CD163L1: variants seen among roughly 807,000 people sequenced by gnomAD.
CD163L1 encodes scavenger receptor cysteine-rich type 1 protein M160.
Under a neutral mutation model 165.4 loss-of-function variants are expected in CD163L1, and 124 were observed. The ratio of observed to expected loss-of-function variants is 0.75; its 90% CI spans 0.65 to 0.87. The LOEUF (loss-of-function observed/expected upper bound fraction) is 0.87, where lower values mean the gene tolerates loss of function less well. Ranked by LOEUF, CD163L1 falls within the 40% of genes least tolerant of loss-of-function variation. The pLI, the probability that CD163L1 is intolerant of heterozygous loss-of-function variation, is 0.00. For synonymous variants in CD163L1, 585 were observed against 662.2 expected, an observed-to-expected ratio of 0.88 and a Z score of 1.79; for missense variants, 1,525 against 1,799.9, an observed-to-expected ratio of 0.85 and a Z score of 2.76.
chr12:7,427,962 C>T (rs7980418), intron 4 of CD163L1, among the ~76,000 whole-genome samples: 109 of 152,158 alleles, frequency 7.2e-4, no homozygotes, highest in African/African-American at 2.6e-3. Flanking sequence ...ACATTCTGGC[C>T]TACTTGGTAG....
Position 7,369,563 on chromosome 12 carries a change from G to T in CD163L1, c.3833C>A (p.Ala1278Asp), listed in dbSNP as rs1280160267. 1 of 1,614,110 alleles carries T rather than the reference G, an allele frequency of 6.2e-7. No homozygotes were observed. The highest frequency in any genetic ancestry group is 8.5e-7 in the Non-Finnish European group (1 of 1,180,010). Residue 1278 changes from alanine to aspartate, a missense_variant, in exon 15 of 20, where the codon GCC (alanine) becomes GAC (aspartate). Ala to Asp is a moderately radical substitution (Grantham distance 126). Transcript: ENST00000313599. This position sits in a 1 kb window ranked among gnomAD's most constrained non-coding sequence, Gnocchi z 4.9. The stretch of plus-strand genomic sequence containing the variant: ...CTGCTGACACACCACTTCCGCCTCG[G>T]CCAGGTCCCAGGAGTCATCACACAC... ...GTVCDDSWDLAEAEVVCQQLG... is the reference protein window; with the variant it reads ...GTVCDDSWDLDEAEVVCQQLG...
At chr12:7,344,713 C>G (rs1179063953), downstream of CD163L1, among the ~76,000 whole-genome samples, 1 of 152,240 alleles carries the variant, frequency 6.6e-6, no homozygotes, top group African/African-American at 2.4e-5. Context: ...CCCAGGCTTT[C>G]TCATAAATAC....
chr12:7,324,630 A>T, the CD163L1 span: 3 of 1,604,632 alleles, frequency 1.9e-6, no homozygotes, highest in Non-Finnish European at 2.6e-6. Flanking sequence ...AAGAAGCAAC[A>T]TCATATTTTC....
intron 8 of CD163L1, among the ~76,000 whole-genome samples, chr12:7,384,295 C>A (rs1162528421): frequency 6.6e-6 from 1 of 151,812 alleles, no homozygotes; most frequent in Non-Finnish European, 1.5e-5. Context: ...ACACATGGGA[C>A]ACCATAAGGT....
chr12:7,348,911 G>T (rs146939520), intron 4 of CD163L1, among the ~76,000 whole-genome samples: 223 of 151,694 alleles, frequency 1.5e-3, no homozygotes, highest in Non-Finnish European at 1.7e-3. Context: ...GGCCAGGTGC[G>T]ATGGCTTACC....
Position 7,379,242 on chromosome 12 carries a change from C to A in CD163L1, c.2107G>T (p.Val703Phe). 2 of 1,614,182 alleles carry A rather than the reference C, an allele frequency of 1.2e-6. No homozygotes were observed. Among genetic ancestry groups the A allele is most frequent in the Non-Finnish European group, 1.7e-6 (2 of 1,180,020 alleles). The change falls in exon 9 of 20, where the codon GTT becomes TTT. Residue 703 changes from valine (V) to phenylalanine (F), a missense_variant. Coordinates refer to ENST00000313599, the MANE Select transcript of CD163L1 (RefSeq NM_174941.6). The part of the protein sequence containing the change: ...VGGSSRCAGK[V>F]EVNVQGAVGI... ...ACGGCACCCTGGACATTCACCTCAA[C>A]TTTTCCAGCACACCTGCTGCTTCCA...
intron 2 of CD163L1, among the ~76,000 whole-genome samples, chr12:7,440,531 G>C (rs1452570682): frequency 1.3e-5 from 2 of 151,530 alleles, no homozygotes; most frequent in Non-Finnish European, 2.9e-5. Flanking sequence ...TCTGTATCTT[G>C]TAAGTTTTTA....
Position 7,421,153 on chromosome 12 carries a change from A to T in CD163L1, c.766+11263T>A, listed in dbSNP as rs762603170. Among the ~76,000 whole-genome samples, 16 of 135,272 alleles carry T rather than the reference A, an allele frequency of 1.2e-4. No homozygotes were observed. The East Asian group carries it at 1.9e-3, about 16-fold the overall frequency. The allele number at this position is 135,272 out of a possible 152,430, so 88.7% of individuals were successfully genotyped here. A position where few individuals can be genotyped will look rare whatever the true frequency, so the allele number is the denominator to read the frequency against. ...TACGTATATATGTATATATGTGTAT[A>T]AATGTATATATATGTATATATGTAT... On this transcript the variant is annotated intron_variant, in intron 4 of 19. Transcript: ENST00000313599.
chr12:7,330,430 CT>C, the CD163L1 span, among the ~76,000 whole-genome samples: 1 of 152,160 alleles, frequency 6.6e-6, no homozygotes, highest in African/African-American at 2.4e-5. Context: ...CTCTTCTAGC[CT>C]TTTTCAATTG....
At chr12:7,440,629 C>CTTTTTTTTTTTTT (rs71067189) in intron 2 of CD163L1, among the ~76,000 whole-genome samples, 1 of 116,382 alleles carries the variant, frequency 8.6e-6, no homozygotes, top group Non-Finnish European at 1.8e-5. Flanking sequence ...TATCTTTTTT[C>CTTTTTTTTTTTTT]TTTTTTTTTT....
chr12:7,419,640 T>C (rs1948310832), intron 4 of CD163L1, among the ~76,000 whole-genome samples: 1 of 152,134 alleles, frequency 6.6e-6, no homozygotes, highest in South Asian at 2.1e-4. Context: ...CTAGAACTGA[T>C]AAAAGAATTC....
the CD163L1 span, among the ~76,000 whole-genome samples, chr12:7,331,147 C>G: frequency 3.3e-5 from 5 of 152,390 alleles, no homozygotes; most frequent in East Asian, 5.8e-4. Flanking sequence ...TATCCCACAC[C>G]TGGCTCAGAG....
chr12:7,366,246 G>C (rs955137548), intron 18 of CD163L1, among the ~76,000 whole-genome samples: 10 of 140,906 alleles, frequency 7.1e-5, no homozygotes, highest in Non-Finnish European at 1.6e-4. Context: ...AGGCCGGAAA[G>C]GGTAGGGGAA....
the CD163L1 span, among the ~76,000 whole-genome samples, chr12:7,333,854 A>G: frequency 1.3e-5 from 2 of 152,266 alleles, no homozygotes; most frequent in Non-Finnish European, 2.9e-5. Context: ...AGAGAATACT[A>G]TAAACACCTC....
chr12:7,360,500 T>C (rs1311250497), intron 18 of CD163L1, among the ~76,000 whole-genome samples: 1 of 152,168 alleles, frequency 6.6e-6, no homozygotes, highest in African/African-American at 2.4e-5. Context: ...TTTTAAGGTA[T>C]CTTTTTCCTC....
chr12:7,338,938 G>T, the CD163L1 span, among the ~76,000 whole-genome samples: 6 of 152,080 alleles, frequency 3.9e-5, no homozygotes, highest in Non-Finnish European at 7.3e-5. Context: ...TGCTGTGTTT[G>T]CTGTGCTTTT....
At chr12:7,405,341 C>T (rs756068629) in intron 5 of CD163L1, among the ~76,000 whole-genome samples, 2 of 151,932 alleles carry the variant, frequency 1.3e-5, no homozygotes, top group Non-Finnish European at 2.9e-5. Flanking sequence ...TCCTAACTTT[C>T]GTCTACCTCT....
At chr12:7,411,535 C>A (rs1050767513) in intron 4 of CD163L1, among the ~76,000 whole-genome samples, 1 of 152,122 alleles carries the variant, frequency 6.6e-6, no homozygotes, top group Non-Finnish European at 1.5e-5. Flanking sequence ...CCTGGCACCT[C>A]CCCCACCACC....
chr12:7,414,995 A>G (rs1474007987), intron 4 of CD163L1, among the ~76,000 whole-genome samples: 1 of 152,176 alleles, frequency 6.6e-6, no homozygotes, highest in Non-Finnish European at 1.5e-5. Flanking sequence ...GCTAATTAGC[A>G]ACATGAAAAA....
Sources: gnomAD v4.1 joint callset for allele counts (sites outside exome capture counted in the v4.1 genomes callset) on GRCh38, gnomAD v4.1.1 for gene constraint, Gnocchi (gnomAD v3.1) non-coding constraint, MANE v1.5 for transcripts, NCBI Gene and HGNC (gene_info 2026-07-23, HGNC 2026-07-21) for gene names.